Variants in SNX29 observed in about 807,000 individuals in gnomAD.
SNX29 encodes the protein sorting nexin 29.
Under a neutral mutation model 102.1 loss-of-function variants are expected in SNX29, and 78 were observed. That is an observed-to-expected ratio of 0.76 (90% confidence interval 0.64 to 0.92). SNX29 has a LOEUF of 0.92. Among genes scored for constraint, SNX29 ranks in the 40% least tolerant of loss-of-function variants. The probability of loss-of-function intolerance (pLI) is 0.00; values close to 1 mark genes in which losing one functional copy is unlikely to be tolerated. For synonymous variants in SNX29, 580 were observed against 414.5 expected, an observed-to-expected ratio of 1.40 and a Z score of -4.85; for missense variants, 1,280 against 1,061.7, an observed-to-expected ratio of 1.21 and a Z score of -2.86.
intron 19 of SNX29, among the ~76,000 whole-genome samples, chr16:12,488,327 C>T (rs1364591251): frequency 6.6e-6 from 1 of 152,044 alleles, no homozygotes; most frequent in Non-Finnish European, 1.5e-5. Flanking sequence ...GGCCTTCATA[C>T]CTCCACCAGG....
At chr16:12,227,751 G>T (rs1596561343) in intron 14 of SNX29, among the ~76,000 whole-genome samples, 1 of 151,742 alleles carries the variant, frequency 6.6e-6, no homozygotes. Flanking sequence ...AATACAAAAA[G>T]TAGCCAGGCA....
rs369137035 is a variant in SNX29, at chr16:12,547,815, G to A, written c.2319-20691G>A. ...AGAATGGGCTCAAGAATGCTCTGCA[G>A]GGACAGCCTTACTGAGCCCCAGATT... On this transcript the variant is annotated intron_variant, in intron 20 of 20. Transcript: ENST00000566228. Among the ~76,000 whole-genome samples the A allele has an allele frequency of 1.2e-4, 18 of 152,308 alleles. No individual in the cohort carries two copies. In the South Asian group the frequency reaches 1.7e-3, roughly 14 times the overall value.
At chr16:12,345,896 T>C (rs2081785381) in intron 15 of SNX29, among the ~76,000 whole-genome samples, 1 of 152,176 alleles carries the variant, frequency 6.6e-6, no homozygotes, top group Admixed American at 6.5e-5. Context: ...AAGTTTGGAT[T>C]GTGGACAAAT....
intron 2 of SNX29, among the ~76,000 whole-genome samples, chr16:12,000,670 C>T (rs1034106562): frequency 2.0e-5 from 3 of 152,150 alleles, no homozygotes; most frequent in Non-Finnish European, 4.4e-5. Flanking sequence ...ACTACAGGTG[C>T]ATGCCACCAC....
chr16:12,498,315 G>A (rs2088933035), intron 19 of SNX29, among the ~76,000 whole-genome samples: 1 of 152,156 alleles, frequency 6.6e-6, no homozygotes, highest in African/African-American at 2.4e-5. Context: ...GGCAGGGCCA[G>A]TTACCTTGTA....
chr16:12,443,217 G>A (rs1188858464), intron 18 of SNX29: 6 of 334,356 alleles, frequency 1.8e-5, no homozygotes, highest in African/African-American at 1.3e-4. Context: ...TGGGGACATG[G>A]CATTGCGGCA....
At chr16:12,521,277 T>A (rs866492304) in intron 19 of SNX29, among the ~76,000 whole-genome samples, 25 of 152,170 alleles carry the variant, frequency 1.6e-4, no homozygotes, top group Non-Finnish European at 2.5e-4. Flanking sequence ...ATTTTTTTTT[T>A]AATTCCAATT....
intron 14 of SNX29, among the ~76,000 whole-genome samples, chr16:12,231,576 A>G (rs554088263): frequency 9.2e-5 from 14 of 152,326 alleles, no homozygotes; most frequent in Admixed American, 7.2e-4. Context: ...AACTTTTACT[A>G]TACTGTAAAA....
chr16:12,539,111 C>G (rs1054660033), intron 20 of SNX29, among the ~76,000 whole-genome samples: 22 of 152,170 alleles, frequency 1.4e-4, no homozygotes, highest in Admixed American at 8.5e-4. Context: ...CTTGCCTTTA[C>G]TTTCACAAAA....
chr16:12,320,874 C>T (rs2080909114), intron 15 of SNX29, among the ~76,000 whole-genome samples: 1 of 152,152 alleles, frequency 6.6e-6, no homozygotes, highest in East Asian at 1.9e-4. Context: ...CTGAGGTTGC[C>T]TTAGGTCCCA....
chr16:12,323,172 C>G (rs1184857330), intron 15 of SNX29, among the ~76,000 whole-genome samples: 2 of 134,510 alleles, frequency 1.5e-5, no homozygotes, highest in African/African-American at 2.6e-5. Context: ...ACTGGAGTCA[C>G]TGGAGTCACC....
chr16:12,469,686 T>C (rs1211601382), intron 18 of SNX29, among the ~76,000 whole-genome samples: 1 of 152,196 alleles, frequency 6.6e-6, no homozygotes, highest in Non-Finnish European at 1.5e-5. Context: ...CATTTCTTAG[T>C]TGCTCCAGGT....
chr16:12,414,217 T>G (rs1342175707), intron 18 of SNX29, among the ~76,000 whole-genome samples: 1 of 152,102 alleles, frequency 6.6e-6, no homozygotes, highest in Non-Finnish European at 1.5e-5. Flanking sequence ...TATTAAAAAT[T>G]AAAAATTTGA....
At chr16:12,505,874 A>G (rs1458868338) in intron 19 of SNX29, among the ~76,000 whole-genome samples, 1 of 150,574 alleles carries the variant, frequency 6.6e-6, no homozygotes, top group African/African-American at 2.4e-5. Flanking sequence ...CTTCCCAGCC[A>G]TGACCATGGA....
intron 13 of SNX29, among the ~76,000 whole-genome samples, chr16:12,199,110 T>G (rs1402688504): frequency 6.6e-6 from 1 of 152,206 alleles, no homozygotes; most frequent in Non-Finnish European, 1.5e-5. Context: ...GTGTTAGTGC[T>G]TTGGAAGGAT....
intron 15 of SNX29, among the ~76,000 whole-genome samples, chr16:12,333,637 T>G (rs2081360300): frequency 1.3e-5 from 2 of 152,036 alleles, no homozygotes; most frequent in African/African-American, 4.8e-5. Flanking sequence ...GAAGAGGGTG[T>G]GATTTCCTCT....
chr16:12,302,380 G>C (rs2080203084), intron 15 of SNX29, among the ~76,000 whole-genome samples: 1 of 152,206 alleles, frequency 6.6e-6, no homozygotes, highest in South Asian at 2.1e-4. Context: ...GTTATCTACT[G>C]TCTTAGTGTG....
At chr16:12,348,968 A>T (rs1878840289) in intron 15 of SNX29, among the ~76,000 whole-genome samples, 1 of 152,108 alleles carries the variant, frequency 6.6e-6, no homozygotes, top group African/African-American at 2.4e-5. Context: ...CCCCTCTGGG[A>T]AGACAGCGCC....
intron 20 of SNX29, among the ~76,000 whole-genome samples, chr16:12,533,859 C>G (rs567420352): frequency 2.6e-5 from 4 of 152,316 alleles, no homozygotes; most frequent in East Asian, 1.9e-4. Flanking sequence ...AGGACTGCAG[C>G]TAGCTGGATA....
Sources: allele counts gnomAD v4.1 joint callset (sites outside exome capture counted in the v4.1 genomes callset), GRCh38; gene constraint gnomAD v4.1.1; transcripts MANE v1.5; gene names NCBI Gene and HGNC (gene_info 2026-07-23, HGNC 2026-07-21).